The following RRP1B variants were observed in gnomAD, a reference collection of about 807,000 sequenced individuals.
RRP1B encodes the protein ribosomal RNA processing protein 1 homolog B.
A neutral mutation model predicts 80.2 loss-of-function variants in RRP1B; 56 were observed. That is an observed-to-expected ratio of 0.70 (90% CI 0.56 to 0.87). RRP1B has a LOEUF of 0.87. RRP1B is among the 40% of genes least tolerant of loss of function. RRP1B has a pLI of 0.00. For synonymous variants in RRP1B, 351 were observed against 357.6 expected, an observed-to-expected ratio of 0.98 and a Z score of 0.21; for missense variants, 807 against 939.8, an observed-to-expected ratio of 0.86 and a Z score of 1.85.
Position 43,680,519 on chromosome 21 carries a change from G to A in RRP1B, c.797-2760G>A, listed in dbSNP as rs368710157. On this transcript the variant is annotated intron_variant, in intron 8 of 15. Transcript: ENST00000340648. ...GCGGAGGTTGCAGTGAGCAGAGATC[G>A]AGCCACTGCACTCCAGCCTGGGCGA... Among the ~76,000 whole-genome samples the A allele has an allele frequency of 9.2e-5, 14 of 151,894 alleles. No homozygotes were observed. The East Asian group carries it at 2.7e-3, about 29-fold the overall frequency.
chr21:43,689,356 A>T (rs1325416276), intron 13 of RRP1B, among the ~76,000 whole-genome samples: 1 of 152,226 alleles, frequency 6.6e-6, no homozygotes, highest in East Asian at 1.9e-4. Context: ...ACATGTGTGG[A>T]CCTGGTGAAG....
chr21:43,659,865 C>T lies in RRP1B; in HGVS notation c.130+71C>T, dbSNP rs945937359. ...GCCGGGGCTGGGGCTAGGGCCAGGG[C>T]CCCGGCACGGAATGCGGCTTCCACG... On this transcript the variant is annotated intron_variant, in intron 1 of 15. Coordinates refer to ENST00000340648, the MANE Select transcript of RRP1B (RefSeq NM_015056.3). This position sits in a 1 kb window ranked among gnomAD's most constrained non-coding sequence, Gnocchi z 4.2. The T allele has an allele frequency of 8.0e-6, 11 of 1,378,228 alleles. No individual in the cohort carries two copies. Among genetic ancestry groups the T allele is most frequent in the African/African-American group, 7.6e-5 (5 of 65,432 alleles). The allele number at this position is 1,378,228 out of a possible 1,614,324, so 85.4% of individuals were successfully genotyped here. A position where few individuals can be genotyped will look rare whatever the true frequency, so the allele number is the denominator to read the frequency against.
intron 8 of RRP1B, 66 bp from the exon 9 acceptor site, chr21:43,683,213 T>C: frequency 7.6e-7 from 1 of 1,313,116 alleles, no homozygotes; most frequent in South Asian, 1.2e-5. Flanking sequence ...CAGTGGCTCC[T>C]GTGGAAGTAG....
intron 1 of RRP1B, among the ~76,000 whole-genome samples, chr21:43,660,676 C>T (rs1414089888): frequency 1.3e-5 from 2 of 152,206 alleles, no homozygotes; most frequent in Non-Finnish European, 2.9e-5. Flanking sequence ...TGATAATCAG[C>T]TCAGATCTGA....
chr21:43,670,066 C>T, intron 2 of RRP1B, 100 bp downstream of exon 2: 1 of 711,114 alleles, frequency 1.4e-6, no homozygotes, highest in East Asian at 2.8e-5. Context: ...CACTGACGCA[C>T]ACTGACAGTC....
At chr21:43,664,084 T>C (rs2082968553) in intron 1 of RRP1B, among the ~76,000 whole-genome samples, 1 of 152,210 alleles carries the variant, frequency 6.6e-6, no homozygotes, top group Non-Finnish European at 1.5e-5. Flanking sequence ...TGGCTTGTTT[T>C]TATTAGATTC....
At chr21:43,690,592 A>G in intron 14 of RRP1B, 152 bp downstream of exon 14, 2 of 847,578 alleles carry the variant, frequency 2.4e-6, no homozygotes, top group South Asian at 3.7e-5. Flanking sequence ...GGGTAGCATA[A>G]GGTCTGAGTG....
chr21:43,688,341 A>G, intron 13 of RRP1B, 101 bp downstream of exon 13: 3 of 1,383,788 alleles, frequency 2.2e-6, no homozygotes, highest in Non-Finnish European at 2.9e-6. Context: ...GCTGGCGGCC[A>G]GGCCTCTGGA....
At chr21:43,683,174 T>C (rs1280356163) in intron 8 of RRP1B, 105 bp from the exon 9 acceptor site, 7 of 886,678 alleles carry the variant, frequency 7.9e-6, no homozygotes, top group Middle Eastern at 2.3e-4. Flanking sequence ...TGCCCAACCT[T>C]CTTTTTTGCT....
At chr21:43,662,806 T>C (rs908221237) in intron 1 of RRP1B, among the ~76,000 whole-genome samples, 2 of 152,220 alleles carry the variant, frequency 1.3e-5, no homozygotes, top group African/African-American at 4.8e-5. Flanking sequence ...TGTACTATTA[T>C]GTACGCTATT....
At chr21:43,677,323 G>A (rs994370542) in intron 8 of RRP1B, among the ~76,000 whole-genome samples, 1 of 152,168 alleles carries the variant, frequency 6.6e-6, no homozygotes, top group Non-Finnish European at 1.5e-5. Context: ...TCAACTCATG[G>A]CTTCCTTCAG....
In RRP1B at chr21:43,691,001, A is replaced by C. The variant is rs2083084143; in HGVS notation, c.2020-438A>C. On this transcript the variant is annotated intron_variant, in intron 14 of 15. Coordinates refer to ENST00000340648, the MANE Select transcript of RRP1B (RefSeq NM_015056.3). This position sits in a 1 kb window ranked among gnomAD's most constrained non-coding sequence, Gnocchi z 4.2. ...GTCTCATCGATGTCATAGAGTCTTC[A>C]AGTTAGAAGTTCAGAACTCTCCAGC... Among the ~76,000 whole-genome samples the C allele has an allele frequency of 6.6e-6, 1 of 152,188 alleles. No individual in the cohort carries two copies. The highest frequency in any genetic ancestry group is 6.5e-5 in the Admixed American group (1 of 15,286).
intron 10 of RRP1B, 99 bp downstream of exon 10, chr21:43,684,749 C>CT: frequency 2.1e-6 from 2 of 974,218 alleles, no homozygotes; most frequent in South Asian, 1.4e-5. Flanking sequence ...TTTCTTTCTT[C>CT]TTTTTTTGTC....
intron 2 of RRP1B, among the ~76,000 whole-genome samples, chr21:43,670,898 C>T (rs1391563098): frequency 1.3e-5 from 2 of 152,162 alleles, no homozygotes; most frequent in East Asian, 1.9e-4. Flanking sequence ...CCACTTCTCC[C>T]GTGCTGCGTA....
At chr21:43,661,038 CACTGACATTCTCAGTTTGTTTTATTTT>C (rs2082954027) in intron 1 of RRP1B, among the ~76,000 whole-genome samples, 1 of 152,202 alleles carries the variant, frequency 6.6e-6, no homozygotes, top group African/African-American at 2.4e-5. Flanking sequence ...TCTCCCCCAT[CACTGACATTCTCAGTTTGTTTTATTTT>C]TAAGAGAAAT....
At chr21:43,686,483 T>C (rs2147174586) in intron 11 of RRP1B, 1 of 264,046 alleles carries the variant, frequency 3.8e-6, no homozygotes, top group East Asian at 7.8e-5. Context: ...CCCATACCCG[T>C]CATTCACTAG....
At chr21:43,665,754 A>G (rs2082975896) in intron 1 of RRP1B, among the ~76,000 whole-genome samples, 1 of 152,000 alleles carries the variant, frequency 6.6e-6, no homozygotes, top group African/African-American at 2.4e-5. Flanking sequence ...TTGCTATGTG[A>G]CATGACAACT....
In RRP1B at chr21:43,693,154, C is replaced by T. The variant is rs1297403988; in HGVS notation, c.2084-36C>T. ...GGTGTTGAAGGGACAGCTGTCGGAC[C>T]CACTTAATATGGGGCCTTGCTCTCA... On this transcript the variant is annotated intron_variant, in intron 15 of 15. Coordinates refer to ENST00000340648, the MANE Select transcript of RRP1B (RefSeq NM_015056.3). This position sits in a 1 kb window ranked among gnomAD's most constrained non-coding sequence, Gnocchi z 4.1. 1.2e-6 allele frequency: 2 copies of T among 1,608,948 alleles called. No individual in the cohort carries two copies. The highest frequency in any genetic ancestry group is 1.3e-5 in the African/African-American group (1 of 74,770).
At chr21:43,670,262 G>T (rs986438374) in intron 2 of RRP1B, among the ~76,000 whole-genome samples, 6 of 152,182 alleles carry the variant, frequency 3.9e-5, no homozygotes, top group African/African-American at 1.4e-4. Flanking sequence ...CTCTCTTCTG[G>T]TAAGTTTATT....
Sources: allele counts gnomAD v4.1 joint callset (sites outside exome capture counted in the v4.1 genomes callset), GRCh38; gene constraint gnomAD v4.1.1; non-coding constraint Gnocchi (gnomAD v3.1); transcripts MANE v1.5; gene names NCBI Gene and HGNC (gene_info 2026-07-23, HGNC 2026-07-21).